Variants in FGF13 observed in about 807,000 individuals in gnomAD.
FGF13 encodes fibroblast growth factor 13.
Under a neutral mutation model 19.5 loss-of-function variants are expected in FGF13, and 2 were observed. The observed-to-expected ratio is 0.10, with a 90% CI of 0.04 to 0.32. The LOEUF is 0.32. FGF13 is among the 10% of genes least tolerant of loss of function. The pLI, the probability that FGF13 is intolerant of heterozygous loss-of-function variation, is 1.00. For missense variants in FGF13, 113 were observed against 192.7 expected, an observed-to-expected ratio of 0.59 and a Z score of 2.45; for synonymous variants, 72 against 76.9, an observed-to-expected ratio of 0.94 and a Z score of 0.33.
chrX:138,727,659 C>G (rs780402323), intron 1 of FGF13, among the ~76,000 whole-genome samples: 1 of 111,296 alleles, frequency 9.0e-6, no homozygotes, highest in African/African-American at 3.3e-5. Flanking sequence ...CTAATACATT[C>G]TTCATACTCT....
intron 1 of FGF13, among the ~76,000 whole-genome samples, chrX:139,126,746 T>C (rs2083719609): frequency 9.0e-6 from 1 of 111,653 alleles, no homozygotes; most frequent in African/African-American, 3.3e-5. Context: ...GAGTACAACC[T>C]GCTCCTGCTG....
intron 2 of FGF13, among the ~76,000 whole-genome samples, chrX:138,862,312 G>A (rs1424068295): frequency 8.9e-6 from 1 of 111,787 alleles, no homozygotes; most frequent in Admixed American, 9.5e-5. Context: ...TAACTCTTCC[G>A]AAAGATAACA....
chrX:138,651,616 C>A (rs2089374139), intron 3 of FGF13, among the ~76,000 whole-genome samples: 1 of 111,742 alleles, frequency 8.9e-6, no homozygotes, highest in South Asian at 3.7e-4. Context: ...TATGAAGATG[C>A]TCCTGACTCA....
chrX:138,902,577 G>C (rs2091536782), intron 1 of FGF13, among the ~76,000 whole-genome samples: 1 of 111,211 alleles, frequency 9.0e-6, no homozygotes, highest in African/African-American at 3.3e-5. Context: ...AATCTAAATT[G>C]GAGTTTTACT....
intron 1 of FGF13, among the ~76,000 whole-genome samples, chrX:138,936,449 T>G (rs781302145): frequency 8.9e-6 from 1 of 112,257 alleles, no homozygotes; most frequent in Non-Finnish European, 1.9e-5. Flanking sequence ...ATAATGCACA[T>G]GAAGCATTAC....
intron 1 of FGF13, among the ~76,000 whole-genome samples, chrX:139,153,850 C>T (rs1296074249): frequency 9.0e-6 from 1 of 110,909 alleles, no homozygotes; most frequent in Non-Finnish European, 1.9e-5. Flanking sequence ...GAAATACATG[C>T]ACACACATGG....
intron 1 of FGF13, among the ~76,000 whole-genome samples, chrX:139,131,385 GTGT>G (rs1569456247): frequency 0.021 from 49 of 2,370 alleles, no homozygotes; most frequent in Admixed American, 0.14. Context: ...ATAGAGGGGT[GTGT>G]GTGTGTGTGT....
chrX:138,904,635 C>T (rs566136709), intron 1 of FGF13, among the ~76,000 whole-genome samples: 1 of 111,497 alleles, frequency 9.0e-6, no homozygotes, highest in South Asian at 3.8e-4. Context: ...TTTAAATCCT[C>T]CTAGGCCTTA....
chrX:138,667,439 T>C (rs2089562195), intron 3 of FGF13, among the ~76,000 whole-genome samples: 1 of 110,506 alleles, frequency 9.0e-6, no homozygotes, highest in Non-Finnish European at 1.9e-5. Context: ...AAAGAACATA[T>C]ATTACATTGG....
intron 1 of FGF13, among the ~76,000 whole-genome samples, chrX:139,131,384 TGTGTGTGTG>T (rs2083759968): frequency 2.0e-3 from 6 of 3,003 alleles, no homozygotes; most frequent in African/African-American, 5.2e-3. Context: ...TATAGAGGGG[TGTGTGTGTG>T]TGTGTGTGTG....
At chrX:138,980,644 C>T (rs1198736897) in intron 1 of FGF13, among the ~76,000 whole-genome samples, 2 of 102,927 alleles carry the variant, frequency 1.9e-5, no homozygotes, top group African/African-American at 7.1e-5. Context: ...TAGTAATGAT[C>T]GTCATCACTA....
At chrX:138,954,122 G>GAGAGAGAA (rs1556309324) in intron 1 of FGF13, among the ~76,000 whole-genome samples, 7 of 86,225 alleles carry the variant, frequency 8.1e-5, no homozygotes, top group African/African-American at 2.4e-4. Context: ...GAGAGAGAGA[G>GAGAGAGAA]GAGAGAGCAT....
chrX:139,179,649 C>T (rs2084223674), intron 1 of FGF13, among the ~76,000 whole-genome samples: 1 of 112,370 alleles, frequency 8.9e-6, no homozygotes, highest in Non-Finnish European at 1.9e-5. Context: ...AACAACCTCA[C>T]AAGATTGCTA....
chrX:138,972,296 C>T (rs2091920845), intron 1 of FGF13, among the ~76,000 whole-genome samples: 1 of 102,820 alleles, frequency 9.7e-6, no homozygotes, highest in Admixed American at 1.1e-4. Context: ...TTGACTTATA[C>T]TAATTTACAT....
chrX:139,014,705 A>G (rs1437429002), intron 1 of FGF13, among the ~76,000 whole-genome samples: 1 of 111,601 alleles, frequency 9.0e-6, no homozygotes, highest in Non-Finnish European at 1.9e-5. Flanking sequence ...GAATAATTCC[A>G]AACTCATTTT....
At chrX:139,203,510 G>GT (rs1392485398) in exon 1 of FGF13, 1 of 87,508 alleles carries the variant, frequency 1.1e-5, no homozygotes, top group African/African-American at 5.2e-5. Flanking sequence ...CGGGTGGCGG[G>GT]GGGGGGGAAG....
At chrX:139,120,729 T>A (rs1368382370) in intron 1 of FGF13, among the ~76,000 whole-genome samples, 1 of 112,842 alleles carries the variant, frequency 8.9e-6, no homozygotes, top group Admixed American at 9.3e-5. Context: ...CCTCAATTAG[T>A]TTGGGACATG....
intron 1 of FGF13, among the ~76,000 whole-genome samples, chrX:138,710,444 G>C (rs1388977087): frequency 9.0e-6 from 1 of 111,497 alleles, no homozygotes; most frequent in Non-Finnish European, 1.9e-5. Context: ...TCCTGGGGAC[G>C]GGAGGATGGT....
intron 3 of FGF13, among the ~76,000 whole-genome samples, chrX:138,650,882 T>C (rs1372746425): frequency 2.7e-5 from 3 of 111,811 alleles, no homozygotes; most frequent in Non-Finnish European, 3.8e-5. Context: ...TAATTTTGTA[T>C]AAGGCGGCTC....
Sources: gnomAD v4.1 joint callset for allele counts (sites outside exome capture counted in the v4.1 genomes callset) on GRCh38, gnomAD v4.1.1 for gene constraint, MANE v1.5 for transcripts, NCBI Gene and HGNC (gene_info 2026-07-23, HGNC 2026-07-21) for gene names.